Variants in IFNAR1 observed in about 807,000 individuals in gnomAD.
IFNAR1 encodes interferon alpha/beta receptor 1.
Under a neutral mutation model 62.1 loss-of-function variants are expected in IFNAR1, and 47 were observed. The ratio of observed to expected loss-of-function variants is 0.76; its 90% CI spans 0.60 to 0.97. The LOEUF (loss-of-function observed/expected upper bound fraction) is 0.97. Among genes scored for constraint, IFNAR1 ranks in the 50% least tolerant of loss-of-function variants. The pLI is 0.00. For synonymous variants in IFNAR1, 219 were observed against 226.9 expected (o/e 0.97, Z 0.31); for missense variants, 638 against 654.5 (o/e 0.97, Z 0.27).
At chr21:33,336,115 T>C (rs1298382932) in intron 2 of IFNAR1, among the ~76,000 whole-genome samples, 1 of 143,004 alleles carries the variant, frequency 7.0e-6, no homozygotes, top group African/African-American at 2.6e-5. Context: ...GATGTTCCCC[T>C]TCCTGTGTCC....
At chr21:33,344,556 A>G (rs910843805) in intron 5 of IFNAR1, among the ~76,000 whole-genome samples, 2 of 151,876 alleles carry the variant, frequency 1.3e-5, no homozygotes, top group African/African-American at 2.4e-5. Flanking sequence ...ATATCCTTTC[A>G]CAACTTTTTT....
At position 33,353,709 on chromosome 21, in the gene IFNAR1, G is replaced by A. The variant is rs142424349; in HGVS notation, c.1366G>A (p.Ala456Thr). The change falls in exon 10 of 11, where the codon GCT (alanine) becomes ACT (threonine). Residue 456 changes from alanine to threonine, a missense_variant. Ala to Thr is a moderately conservative substitution (Grantham distance 58). Coordinates refer to ENST00000270139, the MANE Select transcript of IFNAR1 (RefSeq NM_000629.3). ...ALFALPFVIY[A>T]AKVFLRCINY... Reference sequence around the variant, plus strand: ...ATTTGCTCTCCCGTTTGTCATTTATGCTGCGAAAGTCTTCTTGAGATGCAT... The same window carrying A: ...ATTTGCTCTCCCGTTTGTCATTTATACTGCGAAAGTCTTCTTGAGATGCAT... 37 of 1,589,734 alleles carry A rather than the reference G, an allele frequency of 2.3e-5. No individual in the cohort carries two copies. In the African/African-American group the frequency reaches 4.3e-4, roughly 19 times the overall value.
rs1257368334 is a variant in IFNAR1, at chr21:33,357,210, G to A, written c.*1661G>A. On this transcript the variant is annotated 3_prime_UTR_variant, in exon 11 of 11. Coordinates refer to ENST00000270139, the MANE Select transcript of IFNAR1 (RefSeq NM_000629.3). ...CAGTGAAAGAAAAGAGACAAAGTTA[G>A]AACGTGCTGGGGAGCGGCCATTTCT... The A allele has an allele frequency of 6.6e-6, 1 of 152,240 alleles. No individual in the cohort carries two copies. Among genetic ancestry groups the A allele is most frequent in the Non-Finnish European group, 1.5e-5 (1 of 68,070 alleles). The allele number at this position is 152,240 out of a possible 1,614,324, so 9.4% of individuals were successfully genotyped here.
chr21:33,324,804 T>G, upstream of IFNAR1: 2 of 516,070 alleles, frequency 3.9e-6, no homozygotes, highest in Non-Finnish European at 3.5e-6. Flanking sequence ...GGTGCTGCAA[T>G]TAGGATGGGG....
rs372142922 is a variant in IFNAR1 at position 33,353,802 on chromosome 21, T to G, written c.1440+19T>G. The G allele has an allele frequency of 1.3e-6, 2 of 1,516,406 alleles. No homozygotes were observed. Among genetic ancestry groups the G allele is most frequent in the Non-Finnish European group, 1.8e-6 (2 of 1,122,988 alleles). 93.9% of individuals were successfully genotyped at this position (1,516,406 alleles called of 1,614,324 possible). On this transcript the variant is annotated intron_variant, in intron 10 of 10. Coordinates refer to ENST00000270139, the MANE Select transcript of IFNAR1 (RefSeq NM_000629.3). ...AGATGAGGTATGTTACTTTTTTTAT[T>G]TTTTTGTCAACAGCTAGGTAATGAA... is the stretch of plus-strand genomic sequence containing the variant.
chr21:33,351,080 CAATAATTG>C (rs1294878830), intron 8 of IFNAR1, among the ~76,000 whole-genome samples: 3 of 152,150 alleles, frequency 2.0e-5, no homozygotes, highest in African/African-American at 7.2e-5. Flanking sequence ...GATAATATAT[CAATAATTG>C]TTACTATAGA....
At position 33,358,190 on chromosome 21, in the gene IFNAR1, C is replaced by T. The variant is rs1483424152; in HGVS notation, c.*2641C>T. 3.3e-5 allele frequency: 5 copies of T among 152,204 alleles called. No homozygotes were observed. The highest frequency in any genetic ancestry group is 1.2e-4 in the African/African-American group (5 of 41,462). The allele number at this position is 152,204 out of a possible 1,614,324, so 9.4% of individuals were successfully genotyped here. ...GCAGCAGAAAACAACAACAAAAAAA[C>T]ACCTCGTTTTTACCTTGTCTTCTAG... On this transcript the variant is annotated 3_prime_UTR_variant, in exon 11 of 11. Coordinates refer to ENST00000270139, the MANE Select transcript of IFNAR1 (RefSeq NM_000629.3).
rs771483438 is a variant in IFNAR1 at position 33,335,456 on chromosome 21, G to A, written c.77-68G>A. On this transcript the variant is annotated intron_variant, in intron 1 of 10. Coordinates refer to ENST00000270139, the MANE Select transcript of IFNAR1 (RefSeq NM_000629.3). ...TCATTCTTTAATCAGGGATGTGAGG[G>A]ATAGAATAACATTTAGAATATCTGT... 3 of 864,612 alleles carry A rather than the reference G, an allele frequency of 3.5e-6. No homozygotes were observed. The East Asian group carries it at 8.3e-5, about 24-fold the overall frequency. 53.6% of individuals were successfully genotyped at this position (864,612 alleles called of 1,614,324 possible).
intron 8 of IFNAR1, among the ~76,000 whole-genome samples, chr21:33,351,530 T>C (rs557151917): frequency 6.6e-6 from 1 of 151,484 alleles, no homozygotes; most frequent in South Asian, 2.1e-4. Flanking sequence ...GTTATCTATA[T>C]TTTTTTATTT....
chr21:33,342,957 T>C (rs531380680), intron 3 of IFNAR1, among the ~76,000 whole-genome samples: 3 of 152,198 alleles, frequency 2.0e-5, no homozygotes, highest in African/African-American at 7.2e-5. Context: ...CTCTGTAGCA[T>C]AGATGTGGTC....
chr21:33,352,857 C>G lies in IFNAR1; in HGVS notation c.1243C>G (p.Leu415Val). The change falls in exon 9 of 11, where the codon CTG (leucine) becomes GTG (valine). Residue 415 changes from leucine to valine, a missense_variant. Coordinates refer to ENST00000270139, the MANE Select transcript of IFNAR1 (RefSeq NM_000629.3). ...CAGAGCACACACCATGGATGAAAAG[C>G]TGAATAAAAGCAGTGTTTTTAGTGA... ...KARAHTMDEK[L>V]NKSSVFSDAV... 1 of 1,604,386 alleles carries G rather than the reference C, an allele frequency of 6.2e-7. No individual in the cohort carries two copies. Among genetic ancestry groups the G allele is most frequent in the Non-Finnish European group, 8.5e-7 (1 of 1,173,212 alleles).
At chr21:33,328,828 A>G (rs970296866) in intron 1 of IFNAR1, among the ~76,000 whole-genome samples, 1 of 152,170 alleles carries the variant, frequency 6.6e-6, no homozygotes, top group Non-Finnish European at 1.5e-5. Context: ...AATGCATTAT[A>G]TATATATTAG....
chr21:33,342,684 A>C (rs1352989334), intron 3 of IFNAR1, among the ~76,000 whole-genome samples: 2 of 135,146 alleles, frequency 1.5e-5, no homozygotes, highest in Non-Finnish European at 3.1e-5. Flanking sequence ...CTCTACTAAA[A>C]ATACAAAAAA....
At chr21:33,341,655 C>A (rs771317167) in intron 3 of IFNAR1, among the ~76,000 whole-genome samples, 8 of 152,088 alleles carry the variant, frequency 5.3e-5, no homozygotes, top group Non-Finnish European at 1.2e-4. Flanking sequence ...ATGTTTGTTA[C>A]CATAAAATAG....
At chr21:33,343,472 C>T (rs760884986) in intron 4 of IFNAR1, 50 bp downstream of exon 4, 37 of 1,559,508 alleles carry the variant, frequency 2.4e-5, no homozygotes, top group Admixed American at 5.3e-5. Flanking sequence ...AAAAATTAGG[C>T]GAATTAATCC....
Position 33,355,636 on chromosome 21 carries a change from A to T in IFNAR1, c.*87A>T. The T allele has an allele frequency of 3.1e-6, 2 of 647,836 alleles. No individual in the cohort carries two copies. Among genetic ancestry groups the T allele is most frequent in the Non-Finnish European group, 5.3e-6 (2 of 375,734 alleles). The allele number at this position is 647,836 out of a possible 1,614,324, so 40.1% of individuals were successfully genotyped here. On this transcript the variant is annotated 3_prime_UTR_variant, in exon 11 of 11. Transcript: ENST00000270139. The stretch of plus-strand genomic sequence containing the variant: ...TCCTCACCTTCCTCTCAGTAACTAC[A>T]GAGAGGACGTTTCCCTGTTTAGGGA...
At position 33,335,559 on chromosome 21, in the gene IFNAR1, G is replaced by T; in HGVS notation, c.112G>T (p.Val38Phe). The T allele has an allele frequency of 6.2e-7, 1 of 1,605,274 alleles. No homozygotes were observed. The change falls in exon 2 of 11, where the codon GTC becomes TTC. Residue 38 changes from valine (V) to phenylalanine (F), a missense_variant. Coordinates refer to ENST00000270139, the MANE Select transcript of IFNAR1 (RefSeq NM_000629.3). ...TCTAAAATCTCCTCAAAAAGTAGAG[G>T]TCGACATCATAGATGACAACTTTAT... ...KNLKSPQKVE[V>F]DIIDDNFILR...
intron 3 of IFNAR1, 34 bp downstream of exon 3, chr21:33,341,208 T>C (rs2083290204): frequency 6.0e-6 from 9 of 1,507,020 alleles, no homozygotes; most frequent in Non-Finnish European, 8.2e-6. Context: ...TTATATTCTT[T>C]AGTAAATATT....
At chr21:33,329,470 A>T (rs1030088645) in intron 1 of IFNAR1, among the ~76,000 whole-genome samples, 15 of 141,372 alleles carry the variant, frequency 1.1e-4, no homozygotes, top group Non-Finnish European at 1.4e-4. Flanking sequence ...CATTAAGTTT[A>T]AAAAAAAAAA....
Sources: gnomAD v4.1 joint callset for allele counts (sites outside exome capture counted in the v4.1 genomes callset) on GRCh38, gnomAD v4.1.1 for gene constraint, MANE v1.5 for transcripts, NCBI Gene and HGNC (gene_info 2026-07-23, HGNC 2026-07-21) for gene names.